The following RYK variants were observed in gnomAD, a reference collection of about 807,000 sequenced individuals.
The protein encoded by RYK is receptor like tyrosine kinase, also known as inactive tyrosine-protein kinase RYK.
In RYK, 21 loss-of-function variants were observed where a neutral mutation model predicts 70.2. That is an observed-to-expected ratio of 0.30 (90% CI 0.21 to 0.43). The LOEUF is 0.43. Among genes scored for constraint, RYK ranks in the 20% least tolerant of loss-of-function variants. The pLI, the probability that RYK is intolerant of heterozygous loss-of-function variation, is 1.00. For missense variants in RYK, 604 were observed against 753.3 expected (o/e 0.80, Z 2.32); for synonymous variants, 267 against 278.0 (o/e 0.96, Z 0.39).
chr3:134,248,029 T>C (rs956783833), intron 1 of RYK, among the ~76,000 whole-genome samples: 1 of 151,602 alleles, frequency 6.6e-6, no homozygotes, highest in Non-Finnish European at 1.5e-5. Context: ...CTTGTACACA[T>C]CTCAGTACAC....
At chr3:134,182,465 C>T (rs2013329698) in intron 10 of RYK, among the ~76,000 whole-genome samples, 1 of 151,976 alleles carries the variant, frequency 6.6e-6, no homozygotes, top group African/African-American at 2.4e-5. Context: ...ACTGAGATGT[C>T]TAATTTATTA....
intron 6 of RYK, among the ~76,000 whole-genome samples, chr3:134,195,645 G>A (rs1185800570): frequency 6.6e-6 from 1 of 152,118 alleles, no homozygotes; most frequent in African/African-American, 2.4e-5. Flanking sequence ...CAACATGCTC[G>A]GAGCTTAGAA....
intron 13 of RYK, 97 bp from the exon 14 acceptor site, chr3:134,159,470 A>C: frequency 8.4e-7 from 1 of 1,193,740 alleles, no homozygotes; most frequent in Non-Finnish European, 1.1e-6. Flanking sequence ...TAACAGCTCA[A>C]CTCATGCTTT....
chr3:134,225,332 T>C (rs1370770499), intron 1 of RYK, among the ~76,000 whole-genome samples: 1 of 152,058 alleles, frequency 6.6e-6, no homozygotes, highest in Non-Finnish European at 1.5e-5. Flanking sequence ...CATGAGGCAG[T>C]ACTGACATGA....
chr3:134,237,093 G>A (rs2015216253), intron 1 of RYK, among the ~76,000 whole-genome samples: 1 of 151,914 alleles, frequency 6.6e-6, no homozygotes, highest in African/African-American at 2.4e-5. Context: ...AAACTCTTAA[G>A]GCTTATCAAA....
intron 8 of RYK, among the ~76,000 whole-genome samples, chr3:134,189,535 C>T (rs541097524): frequency 9.1e-4 from 138 of 151,904 alleles, no homozygotes; most frequent in Non-Finnish European, 1.8e-3. Flanking sequence ...CCGAGGCAGG[C>T]GGGTCATGAG....
chr3:134,199,717 T>C (rs998497003), intron 6 of RYK, among the ~76,000 whole-genome samples: 1 of 152,144 alleles, frequency 6.6e-6, no homozygotes, highest in Non-Finnish European at 1.5e-5. Context: ...TGGCAGGTAA[T>C]AAATAATTGT....
chr3:134,226,078 A>C (rs760193380), intron 1 of RYK, among the ~76,000 whole-genome samples: 1 of 152,160 alleles, frequency 6.6e-6, no homozygotes, highest in Non-Finnish European at 1.5e-5. Context: ...AAAGATATTA[A>C]CTATAAGGAT....
intron 13 of RYK, among the ~76,000 whole-genome samples, chr3:134,168,049 T>A (rs532462144): frequency 4.4e-4 from 67 of 152,164 alleles, no homozygotes; most frequent in Non-Finnish European, 6.8e-4. Context: ...ATCAGAGAAA[T>A]GCAAATCAAA....
At position 134,191,878 on chromosome 3, in the gene RYK, C is replaced by T. The variant is rs780654400; in HGVS notation, c.986G>A (p.Arg329Lys). The T allele has an allele frequency of 3.7e-6, 6 of 1,610,944 alleles. No homozygotes were observed. The African/African-American group carries it at 5.3e-5, about 14-fold the overall frequency. Residue 329 changes from arginine (R) to lysine (K), a missense_variant, in exon 8 of 15, where the codon AGG becomes AAG. By Grantham distance (26) the Arg-to-Lys change is conservative. Transcript: ENST00000623711. The part of the protein sequence containing the change: ...KVKDIAISRE[R>K]ITLKDVLQEG... The stretch of plus-strand genomic sequence containing the variant: ...TTGGAGTACATCTTTTAGAGTTATC[C>T]TCTCTCTGGATATTGCTATATCCTT...
chr3:134,189,053 G>T, intron 8 of RYK, 130 bp from the exon 9 acceptor site: 1 of 514,970 alleles, frequency 1.9e-6, no homozygotes, highest in Non-Finnish European at 3.3e-6. Flanking sequence ...TGTAGCCCTA[G>T]AGTAAAAAGA....
intron 1 of RYK, among the ~76,000 whole-genome samples, chr3:134,249,590 G>A (rs1337211474): frequency 6.6e-6 from 1 of 152,010 alleles, no homozygotes; most frequent in African/African-American, 2.4e-5. Context: ...CCTAACATAA[G>A]ACCCCAGCAA....
intron 2 of RYK, among the ~76,000 whole-genome samples, chr3:134,213,737 A>T (rs2014469781): frequency 6.6e-6 from 1 of 152,124 alleles, no homozygotes; most frequent in African/African-American, 2.4e-5. Context: ...GGCACTCTTT[A>T]GGATCACTAG....
chr3:134,220,870 CTG>C (rs375536504), intron 2 of RYK, among the ~76,000 whole-genome samples: 2 of 152,120 alleles, frequency 1.3e-5, no homozygotes, highest in African/African-American at 2.4e-5. Flanking sequence ...ATGAGGGAAA[CTG>C]TGTAATGGTG....
In RYK at chr3:134,207,512, T is replaced by C. The variant is rs1281251006; in HGVS notation, c.603A>G (p.Val201=). 1.1e-5 allele frequency: 17 copies of C among 1,541,254 alleles called. No homozygotes were observed. The highest frequency in any genetic ancestry group is 5.5e-5 in the African/African-American group (4 of 72,884). ...RKMCYKKLEE[V]KTSALDKNTS... ...TGTTTTTGTCCAAGGCTGAAGTTTTTACTTCTTCAAGTTCTGAATTTAAAG... is the reference window on the plus strand; with the variant it reads ...TGTTTTTGTCCAAGGCTGAAGTTTTCACTTCTTCAAGTTCTGAATTTAAAG... The change falls in exon 5 of 15, where the codon GTA becomes GTG. Residue 201 remains valine, a synonymous_variant. Transcript: ENST00000623711.
chr3:134,219,244 C>T (rs2014657554), intron 2 of RYK, among the ~76,000 whole-genome samples: 1 of 152,224 alleles, frequency 6.6e-6, no homozygotes, highest in Non-Finnish European at 1.5e-5. Flanking sequence ...CCCACTCCAA[C>T]TTCCCCCTGT....
At chr3:134,209,964 G>T in intron 3 of RYK, 135 bp from the exon 4 acceptor site, 1 of 689,100 alleles carries the variant, frequency 1.5e-6, no homozygotes, top group Non-Finnish European at 2.3e-6. Flanking sequence ...TTTAAATAAA[G>T]TAACTAAACA....
chr3:134,207,605 T>C (rs947707784), intron 4 of RYK, 80 bp from the exon 5 acceptor site: 5 of 914,134 alleles, frequency 5.5e-6, no homozygotes, highest in Admixed American at 5.1e-5. Flanking sequence ...TATCAGAACA[T>C]TGCTGGAACT....
chr3:134,164,119 A>G (rs1224330177), intron 13 of RYK, among the ~76,000 whole-genome samples: 1 of 152,192 alleles, frequency 6.6e-6, no homozygotes, highest in Non-Finnish European at 1.5e-5. Context: ...TATAGGCATG[A>G]GCCACCATGA....
Sources: gnomAD v4.1 joint callset for allele counts (sites outside exome capture counted in the v4.1 genomes callset) on GRCh38, gnomAD v4.1.1 for gene constraint, MANE v1.5 for transcripts, NCBI Gene and HGNC (gene_info 2026-07-23, HGNC 2026-07-21) for gene names.